ZNF257: variants seen among roughly 807,000 people sequenced by gnomAD.
ZNF257 encodes zinc finger protein 257, also known as bone marrow zinc finger 4.
Under a neutral mutation model 11.9 loss-of-function variants are expected in ZNF257, and 12 were observed. That is an observed-to-expected ratio of 1.01 (90% CI 0.65 to 1.63). The LOEUF is 1.63. ZNF257 is among the 40% of genes most tolerant of loss of function. ZNF257 has a pLI of 0.00. For synonymous variants in ZNF257, 183 were observed against 222.7 expected (o/e 0.82, Z 1.59); for missense variants, 580 against 665.5 (o/e 0.87, Z 1.41).
At position 22,088,409 on chromosome 19, in the gene ZNF257, A is replaced by C; in HGVS notation, c.659A>C (p.Lys220Thr). The part of the protein sequence containing the change: ...FNQSSALTRH[K>T]MTHTGEKPYK... Reference sequence around the variant, plus strand: ...CAGTCCTCAGCTCTTACTCGACATAAGATGACTCATACTGGAGAGAAACCC... The same window carrying C: ...CAGTCCTCAGCTCTTACTCGACATACGATGACTCATACTGGAGAGAAACCC... Residue 220 changes from lysine (K) to threonine (T), a missense_variant, in exon 4 of 4, where the codon AAG (lysine) becomes ACG (threonine). By Grantham distance (78) the Lys-to-Thr change is moderately conservative (BLOSUM62 -1). Transcript: ENST00000594947. The C allele has an allele frequency of 6.2e-7, 1 of 1,613,326 alleles. No homozygotes were observed. The highest frequency in any genetic ancestry group is 1.6e-4 in the Middle Eastern group (1 of 6,062).
intron 1 of ZNF257, among the ~76,000 whole-genome samples, chr19:22,067,712 G>A (rs933244259): frequency 9.2e-5 from 14 of 151,994 alleles, no homozygotes; most frequent in African/African-American, 3.4e-4. Flanking sequence ...GTGGGCGCCT[G>A]TAATCCCAGC....
Position 22,089,539 on chromosome 19 carries a change from A to G in ZNF257, c.*97A>G. The G allele has an allele frequency of 6.7e-7, 1 of 1,497,996 alleles. No homozygotes were observed. The allele number at this position is 1,497,996 out of a possible 1,614,324, so 92.8% of individuals were successfully genotyped here. ...AGGGAATTCATAATAGAGAAACCCT[A>G]CAAATGTGAAGAACGTGGCCTGGCT... On this transcript the variant is annotated 3_prime_UTR_variant, in exon 4 of 4. Coordinates refer to ENST00000594947, the MANE Select transcript of ZNF257 (RefSeq NM_033468.4).
chr19:22,075,771 T>G (rs2022211054), intron 3 of ZNF257: 1 of 152,306 alleles, frequency 6.6e-6, no homozygotes, highest in Non-Finnish European at 1.5e-5. Context: ...GGGGTCTTGC[T>G]ACATAACCCA....
intron 1 of ZNF257, among the ~76,000 whole-genome samples, chr19:22,066,908 T>G (rs2021963004): frequency 6.6e-6 from 1 of 152,194 alleles, no homozygotes; most frequent in Non-Finnish European, 1.5e-5. Context: ...GTTAATTGTG[T>G]AATAAAACAG....
At chr19:22,080,940 C>T (rs542862371) in intron 3 of ZNF257, among the ~76,000 whole-genome samples, 66 of 150,254 alleles carry the variant, frequency 4.4e-4, no homozygotes, top group Admixed American at 1.3e-3. Flanking sequence ...TGCAGTGGCA[C>T]GATCTCAGCT....
intron 2 of ZNF257, 118 bp from the exon 3 acceptor site, chr19:22,073,351 T>C (rs894316681): frequency 6.5e-5 from 76 of 1,173,384 alleles, no homozygotes; most frequent in Non-Finnish European, 8.3e-5. Flanking sequence ...TGTTATAAAT[T>C]AGTATTTTGG....
chr19:22,071,653 A>G (rs2022105804), intron 1 of ZNF257, among the ~76,000 whole-genome samples: 1 of 152,076 alleles, frequency 6.6e-6, no homozygotes, highest in Admixed American at 6.5e-5. Context: ...TCTCTGAAAA[A>G]TATGTTTTTT....
At chr19:22,082,750 A>G (rs968490153) in intron 3 of ZNF257, among the ~76,000 whole-genome samples, 5 of 152,096 alleles carry the variant, frequency 3.3e-5, no homozygotes, top group East Asian at 1.9e-4. Context: ...ATTACATTCT[A>G]TGTTTTAAAT....
chr19:22,073,624 G>A, intron 3 of ZNF257, 60 bp downstream of exon 3: 1 of 1,544,614 alleles, frequency 6.5e-7, no homozygotes, highest in African/African-American at 1.4e-5. Flanking sequence ...ACAGGTCAAG[G>A]AGAAAGCAAG....
chr19:22,053,169 G>C (rs2145679495), intron 1 of ZNF257, among the ~76,000 whole-genome samples: 1 of 152,052 alleles, frequency 6.6e-6, no homozygotes, highest in East Asian at 2.0e-4. Context: ...AGGAGATTGA[G>C]ACCATTCTGG....
At chr19:22,062,001 T>A (rs1394303851) in intron 1 of ZNF257, among the ~76,000 whole-genome samples, 1 of 152,016 alleles carries the variant, frequency 6.6e-6, no homozygotes, top group East Asian at 1.9e-4. Flanking sequence ...TTGATTATAG[T>A]GGATTAGCTT....
chr19:22,064,488 C>G (rs1356508157), intron 1 of ZNF257, among the ~76,000 whole-genome samples: 1 of 151,912 alleles, frequency 6.6e-6, no homozygotes, highest in Non-Finnish European at 1.5e-5. Flanking sequence ...TTTAAAAACA[C>G]GCAAAAGTGG....
intron 3 of ZNF257, among the ~76,000 whole-genome samples, chr19:22,083,965 C>A (rs1463287807): frequency 6.6e-6 from 1 of 152,044 alleles, no homozygotes; most frequent in Non-Finnish European, 1.5e-5. Flanking sequence ...CATGGTGAAA[C>A]CCCGTCTCAA....
intron 1 of ZNF257, among the ~76,000 whole-genome samples, chr19:22,056,013 C>A (rs958355635): frequency 6.7e-6 from 1 of 149,400 alleles, no homozygotes; most frequent in Non-Finnish European, 1.5e-5. Context: ...CGAGATCGCA[C>A]CACTGCACTC....
intron 2 of ZNF257, 100 bp from the exon 3 acceptor site, chr19:22,073,369 G>A (rs887625402): frequency 1.0e-5 from 13 of 1,295,128 alleles, no homozygotes; most frequent in Non-Finnish European, 1.3e-5. Flanking sequence ...TGGCATAAAT[G>A]TATTAGAATA....
At chr19:22,052,673 G>T (rs1364942127) in intron 1 of ZNF257, 38 bp downstream of exon 1, 2 of 1,604,398 alleles carry the variant, frequency 1.2e-6, no homozygotes, top group East Asian at 2.3e-5. Flanking sequence ...GAGAGGGGAA[G>T]GGGGTGGTTG....
At chr19:22,081,227 T>C (rs2022353340) in intron 3 of ZNF257, among the ~76,000 whole-genome samples, 1 of 151,970 alleles carries the variant, frequency 6.6e-6, no homozygotes, top group Non-Finnish European at 1.5e-5. Flanking sequence ...TACACGTATC[T>C]GTAGGTATAC....
chr19:22,074,295 T>A (rs2022176297), intron 3 of ZNF257: 1 of 152,168 alleles, frequency 6.6e-6, no homozygotes, highest in African/African-American at 2.4e-5. Flanking sequence ...TCTTATATCT[T>A]TCAGTGTAAA....
In ZNF257 at chr19:22,088,908, C is replaced by G; in HGVS notation, c.1158C>G (p.His386Gln). 1 of 1,612,188 alleles carries G rather than the reference C, an allele frequency of 6.2e-7. No homozygotes were observed. The highest frequency in any genetic ancestry group is 8.5e-7 in the Non-Finnish European group (1 of 1,178,828). Residue 386 changes from histidine (H) to glutamine (Q), a missense_variant, in exon 4 of 4, where the codon CAC (histidine) becomes CAG (glutamine). Coordinates refer to ENST00000594947, the MANE Select transcript of ZNF257 (RefSeq NM_033468.4). ...ECGKAFNRSS[H>Q]LTKHKRIHTR... ...GAAAAGCCTTTAACCGGTCTTCACA[C>G]CTTACTAAACATAAGAGAATTCATA...
Sources: gnomAD v4.1 joint callset for allele counts (sites outside exome capture counted in the v4.1 genomes callset) on GRCh38, gnomAD v4.1.1 for gene constraint, MANE v1.5 for transcripts, NCBI Gene and HGNC (gene_info 2026-07-23, HGNC 2026-07-21) for gene names.